Variants in ASPRV1 observed in about 807,000 individuals in gnomAD.
ASPRV1 encodes the protein retroviral-like aspartic protease 1.
Under a neutral mutation model 11.0 loss-of-function variants are expected in ASPRV1, and 7 were observed. That is an observed-to-expected ratio of 0.64 (90% confidence interval 0.36 to 1.20). The LOEUF is 1.20. ASPRV1 is among the 50% of genes most tolerant of loss of function. ASPRV1 has a pLI of 0.02. For synonymous variants in ASPRV1, 136 were observed against 138.4 expected, an observed-to-expected ratio of 0.98 and a Z score of 0.12; for missense variants, 299 against 320.0, an observed-to-expected ratio of 0.93 and a Z score of 0.50.
chr2:69,940,799 T>C, the ASPRV1 span: 1 of 152,638 alleles, frequency 6.6e-6, no homozygotes, highest in African/African-American at 2.4e-5. Context: ...CTAGACAGGC[T>C]TCTCTCTCTA....
At chr2:70,058,256 T>G in the ASPRV1 span, among the ~76,000 whole-genome samples, 1 of 152,248 alleles carries the variant, frequency 6.6e-6, no homozygotes, top group Non-Finnish European at 1.5e-5. Context: ...CGTGTTTAAC[T>G]CTGAGGAAAC....
chr2:70,050,577 T>C, the ASPRV1 span: 1 of 151,938 alleles, frequency 6.6e-6, no homozygotes, highest in African/African-American at 2.4e-5. Flanking sequence ...TGAAAGGAAA[T>C]GACAAAATGG....
the ASPRV1 span, among the ~76,000 whole-genome samples, chr2:70,001,889 A>C: frequency 3.3e-5 from 5 of 152,228 alleles, no homozygotes; most frequent in Admixed American, 2.6e-4. Context: ...ATTCATAGTG[A>C]AATATAAGCG....
At chr2:70,064,023 C>T in the ASPRV1 span, 1 of 152,182 alleles carries the variant, frequency 6.6e-6, no homozygotes, top group Non-Finnish European at 1.5e-5. Context: ...TTATTCTGCC[C>T]TCAGCTACCT....
the ASPRV1 span, among the ~76,000 whole-genome samples, chr2:70,038,144 T>C: frequency 6.6e-6 from 1 of 152,248 alleles, no homozygotes; most frequent in African/African-American, 2.4e-5. Flanking sequence ...AAAACCATTA[T>C]GCAGATAAGC....
At chr2:70,082,933 C>A in the ASPRV1 span, among the ~76,000 whole-genome samples, 1 of 151,876 alleles carries the variant, frequency 6.6e-6, no homozygotes, top group Non-Finnish European at 1.5e-5. Context: ...AATTAAACAA[C>A]CATAGTATGC....
chr2:69,990,190 TTTTA>T, the ASPRV1 span, among the ~76,000 whole-genome samples: 1 of 152,146 alleles, frequency 6.6e-6, no homozygotes, highest in African/African-American at 2.4e-5. Context: ...TTTTATTTTA[TTTTA>T]TTTTTTTGAA....
downstream of ASPRV1, among the ~76,000 whole-genome samples, chr2:69,955,958 T>C (rs940951434): frequency 1.3e-5 from 2 of 151,766 alleles, no homozygotes; most frequent in African/African-American, 2.4e-5. Flanking sequence ...GACACCCAGA[T>C]CCTTGTTTCT....
chr2:70,059,826 A>C, the ASPRV1 span: 1 of 152,218 alleles, frequency 6.6e-6, no homozygotes, highest in Non-Finnish European at 1.5e-5. Context: ...ATCTGACAGG[A>C]GGCACAGCTC....
the ASPRV1 span, among the ~76,000 whole-genome samples, chr2:70,084,977 CCACA>C: frequency 2.6e-5 from 4 of 152,194 alleles, no homozygotes; most frequent in Non-Finnish European, 5.9e-5. Flanking sequence ...TCTCTCATAT[CCACA>C]CACAATCAGA....
the ASPRV1 span, chr2:70,002,938 G>A: frequency 6.6e-6 from 1 of 152,200 alleles, no homozygotes; most frequent in Non-Finnish European, 1.5e-5. Flanking sequence ...TAGGCCCAGA[G>A]GCCAAAAGAA....
the ASPRV1 span, among the ~76,000 whole-genome samples, chr2:70,041,247 T>G: frequency 1.3e-5 from 2 of 152,242 alleles, no homozygotes; most frequent in African/African-American, 4.8e-5. Flanking sequence ...GAGGACCTAG[T>G]AATTTCTTCA....
At chr2:70,080,359 T>C in the ASPRV1 span, among the ~76,000 whole-genome samples, 2 of 152,064 alleles carry the variant, frequency 1.3e-5, no homozygotes, top group East Asian at 1.9e-4. Flanking sequence ...CCCAAGTAGC[T>C]GGGATTGTAG....
the ASPRV1 span, among the ~76,000 whole-genome samples, chr2:69,979,314 T>C: frequency 2.0e-5 from 3 of 152,220 alleles, no homozygotes; most frequent in African/African-American, 4.8e-5. Context: ...ATTATAGGTG[T>C]GAGCCACCAC....
At chr2:70,034,548 G>C in the ASPRV1 span, among the ~76,000 whole-genome samples, 1 of 151,238 alleles carries the variant, frequency 6.6e-6, no homozygotes, top group Admixed American at 6.6e-5. Flanking sequence ...TTGAGCCTGG[G>C]CGACAGAGCG....
At chr2:69,963,521 G>C (rs1384754342), upstream of ASPRV1, 2 of 446,470 alleles carry the variant, frequency 4.5e-6, no homozygotes, top group Non-Finnish European at 4.6e-6. Flanking sequence ...AAATGAGTGA[G>C]GAGGTTAGCA....
At chr2:70,042,126 C>T in the ASPRV1 span, among the ~76,000 whole-genome samples, 1 of 152,012 alleles carries the variant, frequency 6.6e-6, no homozygotes, top group Non-Finnish European at 1.5e-5. Flanking sequence ...TAGTTAAATA[C>T]GTTTGAAAAA....
At chr2:69,986,245 T>C in the ASPRV1 span, among the ~76,000 whole-genome samples, 1 of 152,214 alleles carries the variant, frequency 6.6e-6, no homozygotes, top group African/African-American at 2.4e-5. Flanking sequence ...TAGCTGAGCC[T>C]GCTTCCTGCA....
At chr2:70,064,199 A>G in the ASPRV1 span, among the ~76,000 whole-genome samples, 1 of 152,322 alleles carries the variant, frequency 6.6e-6, no homozygotes, top group African/African-American at 2.4e-5. Flanking sequence ...AGATGGACGA[A>G]ATAGGAAGAA....
Sources: gnomAD v4.1 joint callset for allele counts (sites outside exome capture counted in the v4.1 genomes callset) on GRCh38, gnomAD v4.1.1 for gene constraint, MANE v1.5 for transcripts, NCBI Gene and HGNC (gene_info 2026-07-23, HGNC 2026-07-21) for gene names.